The following BCAR3 variants were observed in gnomAD, a reference collection of about 807,000 sequenced individuals.
BCAR3 encodes the protein breast cancer anti-estrogen resistance protein 3.
In BCAR3, 37 loss-of-function variants were observed where a neutral mutation model predicts 80.1. The ratio of observed to expected loss-of-function variants is 0.46; its 90% CI spans 0.36 to 0.61. The LOEUF (loss-of-function observed/expected upper bound fraction) is 0.61, where lower values mean the gene tolerates loss of function less well. Ranked by LOEUF, BCAR3 falls within the 20% of genes least tolerant of loss-of-function variation. The pLI, the probability that BCAR3 is intolerant of heterozygous loss-of-function variation, is 0.00. For missense variants in BCAR3, 978 were observed against 1,068.2 expected, an observed-to-expected ratio of 0.92 and a Z score of 1.18; for synonymous variants, 389 against 418.9, an observed-to-expected ratio of 0.93 and a Z score of 0.87.
At chr1:93,643,827 G>A (rs1374369093) in intron 2 of BCAR3, among the ~76,000 whole-genome samples, 2 of 152,124 alleles carry the variant, frequency 1.3e-5, no homozygotes, top group Non-Finnish European at 2.9e-5. Context: ...GTGAGATGAT[G>A]AATATGTTAA....
At position 93,654,612 on chromosome 1, in the gene BCAR3, A is replaced by G. The variant is rs886251479; in HGVS notation, c.318-12269T>C. On this transcript the variant is annotated intron_variant, in intron 2 of 11. Transcript: ENST00000260502. Reference sequence around the variant, plus strand: ...AGTCGCCAAGTTTTTGTTACACAGCAAAGAAAAATGAACATGCTCATTGTC... The same window carrying G: ...AGTCGCCAAGTTTTTGTTACACAGCGAAGAAAAATGAACATGCTCATTGTC... Among the ~76,000 whole-genome samples, 3 of 152,222 alleles carry G rather than the reference A, an allele frequency of 2.0e-5. No individual in the cohort carries two copies. In the East Asian group the frequency reaches 5.8e-4, roughly 29 times the overall value.
intron 2 of BCAR3, among the ~76,000 whole-genome samples, chr1:93,726,737 G>A (rs182896232): frequency 6.6e-6 from 1 of 152,092 alleles, no homozygotes; most frequent in East Asian, 1.9e-4. Flanking sequence ...TATCACTGAT[G>A]GTGTCTTAGA....
intron 11 of BCAR3, among the ~76,000 whole-genome samples, chr1:93,564,162 T>G (rs1234619199): frequency 2.6e-5 from 4 of 152,214 alleles, no homozygotes; most frequent in Admixed American, 2.0e-4. Context: ...TCTATTTAAA[T>G]TTTATCTTCT....
chr1:93,838,225 T>C (rs139634039), intron 2 of BCAR3, among the ~76,000 whole-genome samples: 272 of 152,324 alleles, frequency 1.8e-3, no homozygotes, highest in African/African-American at 6.3e-3. Flanking sequence ...TTCAAGGGCA[T>C]GGCCCTGCTT....
In BCAR3 at chr1:93,843,585, TTTTG is replaced by T. The variant is rs367851482; in HGVS notation, c.-63+1978_-63+1981del. Among the ~76,000 whole-genome samples, 172 of 152,252 alleles carry T rather than the reference TTTTG, an allele frequency of 1.1e-3. 2 individuals carry two copies. In the East Asian group the frequency reaches 0.028, roughly 25 times the overall value. On this transcript the variant is annotated intron_variant, in intron 2 of 13. Coordinates refer to the BCAR3 transcript ENST00000370244. The stretch of plus-strand genomic sequence containing the variant: ...TACTCTTAACTGCTACTACCACAGT[TTTTG>T]TTTGTTTGTTTTTTAAATCTCACCC...
intron 3 of BCAR3, 77 bp downstream of exon 3, chr1:93,642,227 T>C: frequency 6.7e-7 from 1 of 1,493,000 alleles, no homozygotes; most frequent in Admixed American, 1.7e-5. Context: ...GCTGCAGCAT[T>C]ATTTAGCAAC....
At chr1:93,752,743 C>T (rs916421373) in intron 2 of BCAR3, among the ~76,000 whole-genome samples, 3 of 152,298 alleles carry the variant, frequency 2.0e-5, no homozygotes, top group African/African-American at 7.2e-5. Flanking sequence ...TTGGCTTGAT[C>T]CACACATGGC....
chr1:93,785,968 C>A (rs190209863), intron 2 of BCAR3, among the ~76,000 whole-genome samples: 1 of 115,540 alleles, frequency 8.7e-6, no homozygotes, highest in Non-Finnish European at 1.7e-5. Flanking sequence ...CCGAGGCGGG[C>A]GGATCATGAG....
At chr1:93,831,042 C>T (rs1318476670) in intron 2 of BCAR3, among the ~76,000 whole-genome samples, 2 of 152,178 alleles carry the variant, frequency 1.3e-5, no homozygotes, top group Non-Finnish European at 1.5e-5. Context: ...GGACCCAAAA[C>T]TCTGGTGGCG....
intron 2 of BCAR3, among the ~76,000 whole-genome samples, chr1:93,740,404 C>T (rs574578033): frequency 1.2e-4 from 18 of 152,320 alleles, no homozygotes; most frequent in African/African-American, 4.3e-4. Context: ...CCTCTAGATC[C>T]TCAGACAGAA....
chr1:93,562,995 C>T (rs1370673274), intron 11 of BCAR3, among the ~76,000 whole-genome samples: 2 of 152,056 alleles, frequency 1.3e-5, no homozygotes, highest in Non-Finnish European at 2.9e-5. Context: ...TTTGTACAAA[C>T]CACTGTGGGA....
chr1:93,800,360 G>A (rs555393978), intron 2 of BCAR3, among the ~76,000 whole-genome samples: 1 of 152,192 alleles, frequency 6.6e-6, no homozygotes, highest in East Asian at 1.9e-4. Flanking sequence ...GATCCCTTGA[G>A]GTCAGGAGTT....
intron 2 of BCAR3, among the ~76,000 whole-genome samples, chr1:93,669,877 A>G (rs1236501146): frequency 6.6e-6 from 1 of 152,220 alleles, no homozygotes; most frequent in African/African-American, 2.4e-5. Flanking sequence ...GATATGTAGG[A>G]GCTAAGCTAT....
intron 10 of BCAR3, 43 bp from the exon 11 acceptor site, chr1:93,567,534 A>G: frequency 6.3e-7 from 1 of 1,598,326 alleles, no homozygotes. Flanking sequence ...CATGTTTTCC[A>G]AAGTTAAGCA....
intron 7 of BCAR3, among the ~76,000 whole-genome samples, chr1:93,581,334 C>T (rs1009749754): frequency 3.9e-5 from 6 of 152,022 alleles, no homozygotes; most frequent in African/African-American, 7.2e-5. Context: ...AATGTTTTTG[C>T]GTAAACCAAA....
rs1323101241 is a variant in BCAR3, at chr1:93,782,641, G to T, written c.-63+62926C>A. ...GAGCAAACAGTGGAGGATAAGGAAG[G>T]CCAGGCACCTCTGGGGTCAGCAAGA... On this transcript the variant is annotated intron_variant, in intron 2 of 13. Transcript: ENST00000370244. Among the ~76,000 whole-genome samples the T allele has an allele frequency of 2.0e-5, 3 of 152,168 alleles. 1 individual carries two copies. Among genetic ancestry groups the T allele is most frequent in the Admixed American group, 6.5e-5 (1 of 15,286 alleles).
At chr1:93,646,392 C>T (rs759290092) in intron 2 of BCAR3, 1 of 151,902 alleles carries the variant, frequency 6.6e-6, no homozygotes, top group African/African-American at 2.4e-5. Context: ...CACCTGAGGT[C>T]GGGAGTTCAA....
chr1:93,739,701 A>G (rs912098474), intron 2 of BCAR3, among the ~76,000 whole-genome samples: 1 of 152,176 alleles, frequency 6.6e-6, no homozygotes, highest in African/African-American at 2.4e-5. Context: ...CCCTGCCCTA[A>G]GGGGATGGAA....
At chr1:93,845,502 A>ATATATATATATCTCATGTTGTC in intron 2 of BCAR3, 3 of 113,820 alleles carry the variant, frequency 2.6e-5, no homozygotes, top group East Asian at 2.5e-4. Flanking sequence ...ATATATATAT[A>ATATATATATATCTCATGTTGTC]AAACTTTGTT....
Sources: gnomAD v4.1 joint callset for allele counts (sites outside exome capture counted in the v4.1 genomes callset) on GRCh38, gnomAD v4.1.1 for gene constraint, MANE v1.5 for transcripts, NCBI Gene and HGNC (gene_info 2026-07-23, HGNC 2026-07-21) for gene names.